TMEM178B: variants seen among roughly 807,000 people sequenced by gnomAD.
The protein encoded by TMEM178B is transmembrane protein 178B.
In TMEM178B, 5 loss-of-function variants were observed where a neutral mutation model predicts 31.0. That is an observed-to-expected ratio of 0.16 (90% CI 0.08 to 0.34). The LOEUF (loss-of-function observed/expected upper bound fraction) is 0.34, where lower values mean the gene tolerates loss of function less well. Among genes scored for constraint, TMEM178B ranks in the 10% least tolerant of loss-of-function variants. The probability of loss-of-function intolerance (pLI) is 1.00; values close to 1 mark genes in which losing one functional copy is unlikely to be tolerated. For synonymous variants in TMEM178B, 164 were observed against 164.0 expected (o/e 1.00, Z 0.00); for missense variants, 275 against 400.3 (o/e 0.69, Z 2.67).
At chr7:141,215,003 T>TTTTTAGCCAGTTA (rs1189825147) in intron 2 of TMEM178B, among the ~76,000 whole-genome samples, 4 of 152,118 alleles carry the variant, frequency 2.6e-5, no homozygotes, top group African/African-American at 9.7e-5. Flanking sequence ...ATGACAGTTA[T>TTTTTAGCCAGTTA]TTTTAGCCAG....
At chr7:141,242,780 T>C (rs1158412796) in intron 2 of TMEM178B, among the ~76,000 whole-genome samples, 3 of 152,032 alleles carry the variant, frequency 2.0e-5, no homozygotes, top group African/African-American at 7.3e-5. Flanking sequence ...TAACCGCAAG[T>C]GATTTGCTCA....
Position 141,478,299 on chromosome 7 carries a change from G to A in TMEM178B, c.*7513G>A, listed in dbSNP as rs916536849. 1 of 152,236 alleles carries A rather than the reference G, an allele frequency of 6.6e-6. No individual in the cohort carries two copies. The highest frequency in any genetic ancestry group is 1.5e-5 in the Non-Finnish European group (1 of 68,074). The allele number at this position is 152,236 out of a possible 1,614,324, so 9.4% of individuals were successfully genotyped here. ...AATAGGAAGTAGGAAAGAGGAGCAG[G>A]GATTAGGTAAATCTGCAGCATAAAC... On this transcript the variant is annotated 3_prime_UTR_variant, in exon 4 of 4. Coordinates refer to ENST00000565468, the MANE Select transcript of TMEM178B (RefSeq NM_001195278.2).
At chr7:141,125,056 G>T (rs1285816292) in intron 1 of TMEM178B, among the ~76,000 whole-genome samples, 1 of 152,152 alleles carries the variant, frequency 6.6e-6, no homozygotes, top group Non-Finnish European at 1.5e-5. Flanking sequence ...CCCTATTGGG[G>T]TGTTAATTAA....
At chr7:141,136,743 A>G (rs1449506921) in intron 1 of TMEM178B, among the ~76,000 whole-genome samples, 1 of 152,114 alleles carries the variant, frequency 6.6e-6, no homozygotes, top group African/African-American at 2.4e-5. Flanking sequence ...GCTGATGCAT[A>G]TAATCCCAGC....
intron 2 of TMEM178B, among the ~76,000 whole-genome samples, chr7:141,390,554 G>A (rs1800516026): frequency 6.6e-6 from 1 of 152,184 alleles, no homozygotes; most frequent in Admixed American, 6.5e-5. Flanking sequence ...TATCCCAGTG[G>A]GGTTTGAAGA....
chr7:141,297,629 A>C (rs1798657965), intron 2 of TMEM178B, among the ~76,000 whole-genome samples: 1 of 152,080 alleles, frequency 6.6e-6, no homozygotes, highest in Non-Finnish European at 1.5e-5. Flanking sequence ...TCCTTGCGAT[A>C]GTTTGCTGAG....
chr7:141,122,881 G>T (rs1230362144), intron 1 of TMEM178B, among the ~76,000 whole-genome samples: 3 of 152,118 alleles, frequency 2.0e-5, no homozygotes, highest in Non-Finnish European at 4.4e-5. Context: ...TGCTTCCATA[G>T]CCAAACATTA....
chr7:141,181,782 A>T (rs995531389), intron 1 of TMEM178B, among the ~76,000 whole-genome samples: 1 of 152,140 alleles, frequency 6.6e-6, no homozygotes, highest in Non-Finnish European at 1.5e-5. Flanking sequence ...TTATTTCCTG[A>T]AAACTCTTGG....
intron 1 of TMEM178B, among the ~76,000 whole-genome samples, chr7:141,094,779 T>C (rs1437588204): frequency 2.0e-5 from 3 of 152,198 alleles, no homozygotes; most frequent in Non-Finnish European, 4.4e-5. Flanking sequence ...GACATTCAGG[T>C]CATTTTTTGA....
chr7:141,121,659 G>GA (rs1391089058), intron 1 of TMEM178B, among the ~76,000 whole-genome samples: 1 of 152,158 alleles, frequency 6.6e-6, no homozygotes, highest in Non-Finnish European at 1.5e-5. Flanking sequence ...GTTTGATTGG[G>GA]AAGAGAGTTC....
chr7:141,495,271 G>C, the TMEM178B span, among the ~76,000 whole-genome samples: 1 of 152,162 alleles, frequency 6.6e-6, no homozygotes, highest in Non-Finnish European at 1.5e-5. Context: ...ATGTCACTAG[G>C]TTGCCAAAAA....
chr7:141,309,218 T>C (rs1798867345), intron 2 of TMEM178B, among the ~76,000 whole-genome samples: 1 of 152,216 alleles, frequency 6.6e-6, no homozygotes, highest in African/African-American at 2.4e-5. Flanking sequence ...CAAAGCTTTG[T>C]ATGGTGTATC....
chr7:141,255,688 C>A (rs766522568), intron 2 of TMEM178B, among the ~76,000 whole-genome samples: 1 of 151,688 alleles, frequency 6.6e-6, no homozygotes, highest in Non-Finnish European at 1.5e-5. Context: ...AATCCTGTAC[C>A]GATATGAATC....
intron 2 of TMEM178B, among the ~76,000 whole-genome samples, chr7:141,341,806 C>T (rs1318445020): frequency 6.6e-6 from 1 of 152,146 alleles, no homozygotes; most frequent in Non-Finnish European, 1.5e-5. Context: ...AGAAATCTTC[C>T]CTGGCCTTTC....
At chr7:141,221,532 G>T (rs1046692970) in intron 2 of TMEM178B, among the ~76,000 whole-genome samples, 2 of 152,230 alleles carry the variant, frequency 1.3e-5, no homozygotes, top group East Asian at 1.9e-4. Flanking sequence ...AGGAAGAAAA[G>T]CCCCAGCTTT....
chr7:141,410,765 A>G (rs1318920974), intron 2 of TMEM178B, among the ~76,000 whole-genome samples: 1 of 152,158 alleles, frequency 6.6e-6, no homozygotes. Context: ...AGGACTGTGT[A>G]TATCATGCAA....
chr7:141,286,742 G>C (rs1272600400), intron 2 of TMEM178B, among the ~76,000 whole-genome samples: 3 of 152,200 alleles, frequency 2.0e-5, no homozygotes, highest in Non-Finnish European at 4.4e-5. Flanking sequence ...AGAATGTGGA[G>C]AGTCCTCCAG....
chr7:141,324,537 T>C (rs1799157330), intron 2 of TMEM178B, among the ~76,000 whole-genome samples: 1 of 146,526 alleles, frequency 6.8e-6, no homozygotes, highest in African/African-American at 2.5e-5. Context: ...TGGGAGGGGC[T>C]TCAGGAGCTG....
In TMEM178B at chr7:141,362,917, GA is replaced by G. The variant is rs570916488; in HGVS notation, c.497-74687del. Among the ~76,000 whole-genome samples the G allele has an allele frequency of 2.6e-3, 389 of 152,320 alleles. 3 individuals carry two copies. Among genetic ancestry groups the G allele is most frequent in the African/African-American group, 8.5e-3 (353 of 41,562 alleles). ...CAGCACACCTCTGGCTGGCCATCTGGAAAAGTGCTCATGAGGTCAGATATGG... is the reference window on the plus strand; with the variant it reads ...CAGCACACCTCTGGCTGGCCATCTGGAAAGTGCTCATGAGGTCAGATATGG... On this transcript the variant is annotated intron_variant, in intron 2 of 3. Coordinates refer to ENST00000565468, the MANE Select transcript of TMEM178B (RefSeq NM_001195278.2).
Sources: gnomAD v4.1 joint callset for allele counts (sites outside exome capture counted in the v4.1 genomes callset) on GRCh38, gnomAD v4.1.1 for gene constraint, MANE v1.5 for transcripts, NCBI Gene and HGNC (gene_info 2026-07-23, HGNC 2026-07-21) for gene names.